OSTC: variants seen among roughly 807,000 people sequenced by gnomAD.
OSTC encodes the protein oligosaccharyltransferase complex non-catalytic subunit.
A neutral mutation model predicts 16.4 loss-of-function variants in OSTC; 16 were observed. That is an observed-to-expected ratio of 0.98 (90% CI 0.66 to 1.49). OSTC has a LOEUF of 1.49. Among genes scored for constraint, OSTC ranks in the 40% most tolerant of loss-of-function variants. The pLI is 0.00. For synonymous variants in OSTC, 67 were observed against 68.5 expected (o/e 0.98, Z 0.11); for missense variants, 139 against 186.3 (o/e 0.75, Z 1.48).
rs1727036259 is a variant in OSTC at position 108,667,364 on chromosome 4, G to A, written c.*99G>A. ...TCTAATATGAAATGTGGAAAAGAATGAAGAGCAGCAGTAAAAGAAATATCT... is the reference window on the plus strand; with the variant it reads ...TCTAATATGAAATGTGGAAAAGAATAAAGAGCAGCAGTAAAAGAAATATCT... On this transcript the variant is annotated 3_prime_UTR_variant, in exon 4 of 4. Coordinates refer to ENST00000361564, the MANE Select transcript of OSTC (RefSeq NM_021227.4). 3.0e-6 allele frequency: 3 copies of A among 986,892 alleles called. No homozygotes were observed. The highest frequency in any genetic ancestry group is 2.4e-5 in the Admixed American group (1 of 41,554). 61.1% of individuals were successfully genotyped at this position (986,892 alleles called of 1,614,324 possible).
In OSTC at chr4:108,650,788, A is replaced by G. The variant is rs1189446552; in HGVS notation, c.133A>G (p.Thr45Ala). 1.2e-6 allele frequency: 2 copies of G among 1,614,122 alleles called. No individual in the cohort carries two copies. Among genetic ancestry groups the G allele is most frequent in the East Asian group, 2.2e-5 (1 of 44,876 alleles). The change falls in exon 1 of 4, where the codon ACC (threonine) becomes GCC (alanine). Residue 45 changes from threonine to alanine, a missense_variant. Transcript: ENST00000361564. ...GGTGGTGGTGTCTTACTTCCTCATC[A>G]CCGGAGGTAACTCGGGCTGTCGGGC... ...ALVVVSYFLI[T>A]GGIIYDVIVE...
At chr4:108,665,300 A>G (rs1726964857) in intron 3 of OSTC, among the ~76,000 whole-genome samples, 1 of 152,228 alleles carries the variant, frequency 6.6e-6, no homozygotes, top group Non-Finnish European at 1.5e-5. Context: ...AGATTCTCTT[A>G]TAATCCTTAA....
At position 108,662,217 on chromosome 4, in the gene OSTC, A is replaced by C. The variant is rs115860806; in HGVS notation, c.431+4570A>C. Among the ~76,000 whole-genome samples, 616 of 152,360 alleles carry C rather than the reference A, an allele frequency of 4.0e-3. 5 individuals are homozygous for C. The highest frequency in any genetic ancestry group is 0.014 in the African/African-American group (593 of 41,582). On this transcript the variant is annotated intron_variant, in intron 3 of 3. Coordinates refer to ENST00000361564, the MANE Select transcript of OSTC (RefSeq NM_021227.4). ...TCAGTTCAGAAAACAAGTTCTCTTAAAGGGAGAAAGGAATAAAAAATATGA... is the reference window on the plus strand; with the variant it reads ...TCAGTTCAGAAAACAAGTTCTCTTACAGGGAGAAAGGAATAAAAAATATGA...
chr4:108,658,273 C>G (rs1240355401), intron 3 of OSTC, among the ~76,000 whole-genome samples: 1 of 152,012 alleles, frequency 6.6e-6, no homozygotes, highest in African/African-American at 2.4e-5. Flanking sequence ...ATCTGTAACA[C>G]AGAATTCCAG....
chr4:108,664,647 G>A (rs944147638), intron 3 of OSTC, among the ~76,000 whole-genome samples: 1 of 151,298 alleles, frequency 6.6e-6, no homozygotes, highest in Non-Finnish European at 1.5e-5. Context: ...AGGCTGGAGT[G>A]CGGTGGCATG....
At chr4:108,657,361 G>C in intron 2 of OSTC, 89 bp from the exon 3 acceptor site, 1 of 1,157,430 alleles carries the variant, frequency 8.6e-7, no homozygotes, top group Non-Finnish European at 1.2e-6. Flanking sequence ...GCACAAAAAT[G>C]TTTTGGCACA....
At chr4:108,660,424 A>G (rs1282249286) in intron 3 of OSTC, among the ~76,000 whole-genome samples, 2 of 152,198 alleles carry the variant, frequency 1.3e-5, no homozygotes, top group African/African-American at 4.8e-5. Context: ...TAATGATACT[A>G]TCTTTCCTGG....
rs149736272 is a variant in OSTC, at chr4:108,662,410, G to A, written c.431+4763G>A. The stretch of plus-strand genomic sequence containing the variant: ...TACACGTTAACACTCATATTTGTAT[G>A]TAGCAAATATTTATTTGATAACTGT... On this transcript the variant is annotated intron_variant, in intron 3 of 3. Coordinates refer to ENST00000361564, the MANE Select transcript of OSTC (RefSeq NM_021227.4). Among the ~76,000 whole-genome samples the A allele has an allele frequency of 1.1e-4, 17 of 152,334 alleles. 1 individual carries two copies. The highest frequency in any genetic ancestry group is 4.1e-4 in the African/African-American group (17 of 41,580).
chr4:108,650,888 A>C (rs1264708396), intron 1 of OSTC, 94 bp downstream of exon 1: 11 of 1,562,766 alleles, frequency 7.0e-6, no homozygotes, highest in Non-Finnish European at 9.6e-6. Context: ...GCCCCGGGGG[A>C]AGCATAGCTC....
chr4:108,654,180 A>C (rs1403442576), intron 1 of OSTC, among the ~76,000 whole-genome samples: 1 of 152,186 alleles, frequency 6.6e-6, no homozygotes, highest in Non-Finnish European at 1.5e-5. Flanking sequence ...CAACATGGAG[A>C]TCATTGGTGA....
At chr4:108,665,555 G>T (rs1314096934) in intron 3 of OSTC, among the ~76,000 whole-genome samples, 4 of 90,202 alleles carry the variant, frequency 4.4e-5, no homozygotes, top group African/African-American at 8.4e-5. Context: ...GTTTTGTTTT[G>T]TTTTTTCTTT....
intron 3 of OSTC, among the ~76,000 whole-genome samples, chr4:108,660,166 T>C (rs975521883): frequency 3.3e-5 from 5 of 152,200 alleles, no homozygotes; most frequent in African/African-American, 1.2e-4. Context: ...ATCCAAACTT[T>C]AGGCTAGGGA....
chr4:108,662,917 A>T (rs1726894376), intron 3 of OSTC, among the ~76,000 whole-genome samples: 1 of 152,234 alleles, frequency 6.6e-6, no homozygotes, highest in African/African-American at 2.4e-5. Flanking sequence ...GACAATGTGT[A>T]GTAGAGAGGG....
At chr4:108,660,067 T>TTAC (rs1167520480) in intron 3 of OSTC, among the ~76,000 whole-genome samples, 1 of 152,240 alleles carries the variant, frequency 6.6e-6, no homozygotes, top group Non-Finnish European at 1.5e-5. Context: ...ATACTCTGGA[T>TTAC]TACCTTCATC....
In OSTC at chr4:108,655,577, T is replaced by C. The variant is rs1350420483; in HGVS notation, c.153T>C (p.Asp51=). The C allele has an allele frequency of 1.7e-5, 27 of 1,591,700 alleles. No homozygotes were observed. Among genetic ancestry groups the C allele is most frequent in the Non-Finnish European group, 2.1e-5 (24 of 1,160,792 alleles). The change falls in exon 2 of 4, where the codon GAT becomes GAC. Residue 51 remains aspartate, a synonymous_variant. Transcript: ENST00000361564. ...YFLITGGIIY[D]VIVEPPSVGS... ...TCTTTCTTATAGGAATAATTTATGA[T>C]GTTATTGTTGAACCTCCAAGTGTCG...
intron 3 of OSTC, chr4:108,663,085 C>T (rs1306023258): frequency 5.0e-6 from 2 of 398,306 alleles, no homozygotes; most frequent in East Asian, 7.6e-5. Context: ...AGAAGGTGTG[C>T]TCTCAATCAT....
chr4:108,656,474 AT>A (rs1726704459), intron 2 of OSTC, among the ~76,000 whole-genome samples: 1 of 149,660 alleles, frequency 6.7e-6, no homozygotes, highest in Admixed American at 6.7e-5. Context: ...AAAAAAAAAA[AT>A]ACCCTGTTTA....
Position 108,657,917 on chromosome 4 carries a change from C to CTTTTTTTT in OSTC, c.431+293_431+300dup, listed in dbSNP as rs70949037. Among the ~76,000 whole-genome samples the CTTTTTTTT allele has an allele frequency of 1.4e-3, 92 of 67,216 alleles. 3 individuals are homozygous for CTTTTTTTT. Among genetic ancestry groups the CTTTTTTTT allele is most frequent in the Non-Finnish European group, 1.6e-3 (61 of 38,764 alleles). The allele number at this position is 67,216 out of a possible 152,430, so 44.1% of individuals were successfully genotyped here. A position where few individuals can be genotyped will look rare whatever the true frequency, so the allele number is the denominator to read the frequency against. On this transcript the variant is annotated intron_variant, in intron 3 of 3. Coordinates refer to ENST00000361564, the MANE Select transcript of OSTC (RefSeq NM_021227.4). Reference sequence around the variant, plus strand: ...CAATGACTGAAGATAGTCATTGTTTCTTTTTTTTTTTTTTTTTTTTTTTTT... The same window carrying CTTTTTTTT: ...CAATGACTGAAGATAGTCATTGTTTCTTTTTTTTTTTTTTTTTTTTTTTTTTTTTTTTT...
chr4:108,661,922 A>T (rs1372030331), intron 3 of OSTC, among the ~76,000 whole-genome samples: 7 of 152,166 alleles, frequency 4.6e-5, no homozygotes, highest in Non-Finnish European at 2.9e-5. Context: ...TAAAAAAAAT[A>T]AAAATAAAAG....
Sources: gnomAD v4.1 joint callset for allele counts (sites outside exome capture counted in the v4.1 genomes callset) on GRCh38, gnomAD v4.1.1 for gene constraint, MANE v1.5 for transcripts, NCBI Gene and HGNC (gene_info 2026-07-23, HGNC 2026-07-21) for gene names.